The following MARCHF10 variants were observed in gnomAD, a reference collection of about 807,000 sequenced individuals.
MARCHF10 encodes membrane associated ring-CH-type finger 10, also known as probable E3 ubiquitin-protein ligase MARCHF10.
MARCHF10 carries 64 observed loss-of-function variants against 76.2 expected under a neutral mutation model. The observed-to-expected ratio is 0.84, with a 90% CI of 0.69 to 1.03. MARCHF10 has a LOEUF of 1.03. Among genes scored for constraint, MARCHF10 ranks in the 50% least tolerant of loss-of-function variants. MARCHF10 has a pLI of 0.00. For missense variants in MARCHF10, 875 were observed against 958.0 expected, an observed-to-expected ratio of 0.91 and a Z score of 1.14; for synonymous variants, 340 against 357.5, an observed-to-expected ratio of 0.95 and a Z score of 0.55.
chr17:62,777,999 G>C (rs929544864), intron 3 of MARCHF10, among the ~76,000 whole-genome samples: 4 of 152,184 alleles, frequency 2.6e-5, no homozygotes, highest in African/African-American at 9.7e-5. Flanking sequence ...AATATGCATG[G>C]AGCTCCTATT....
At chr17:62,739,479 T>C (rs2091422223) in intron 5 of MARCHF10, among the ~76,000 whole-genome samples, 1 of 151,178 alleles carries the variant, frequency 6.6e-6, no homozygotes, top group Non-Finnish European at 1.5e-5. Context: ...CCTCCTGGGT[T>C]CAAGCAATTC....
intron 3 of MARCHF10, among the ~76,000 whole-genome samples, chr17:62,778,490 G>T (rs113319008): frequency 0.011 from 1,667 of 152,138 alleles, 27 homozygotes; most frequent in African/African-American, 0.038. Context: ...AAGCACTTTG[G>T]GAGGCTGAGG....
In MARCHF10 at chr17:62,759,834, C is replaced by T. The variant is rs2092148199; in HGVS notation, c.382+1G>A. ...TGAATTTCAATAAGCCAGCCACTCA[C>T]CTGGAGAGGGTTCGCTGGGGTCCAC... On this transcript the variant is annotated splice_donor_variant, in intron 4 of 10. Transcript: ENST00000311269. LOFTEE classifies it high-confidence loss of function. 3 of 1,613,444 alleles carry T rather than the reference C, an allele frequency of 1.9e-6. No individual in the cohort carries two copies. The highest frequency in any genetic ancestry group is 1.3e-5 in the African/African-American group (1 of 74,898).
At position 62,808,271 on chromosome 17, in the gene MARCHF10, G is replaced by T. The variant is rs892048878; in HGVS notation, c.-212C>A. The T allele has an allele frequency of 2.0e-5, 3 of 152,530 alleles. No individual in the cohort carries two copies. The highest frequency in any genetic ancestry group is 4.4e-5 in the Non-Finnish European group (3 of 68,296). The allele number at this position is 152,530 out of a possible 1,614,324, so 9.4% of individuals were successfully genotyped here. A position where few individuals can be genotyped will look rare whatever the true frequency, so the allele number is the denominator to read the frequency against. On this transcript the variant is annotated 5_prime_UTR_variant, in exon 1 of 11. Coordinates refer to ENST00000311269, the MANE Select transcript of MARCHF10 (RefSeq NM_152598.4). Reference sequence around the variant, plus strand: ...CTCCTTCCCCGAGGCTGCTTTCCGCGGCGCCGGCCGGCCTTGCCTGGGGCG... The same window carrying T: ...CTCCTTCCCCGAGGCTGCTTTCCGCTGCGCCGGCCGGCCTTGCCTGGGGCG...
intron 3 of MARCHF10, 101 bp downstream of exon 3, chr17:62,788,376 TCTC>T: frequency 6.8e-7 from 1 of 1,464,272 alleles, no homozygotes; most frequent in Admixed American, 1.9e-5. Flanking sequence ...ATCTGCAACA[TCTC>T]CTTTTTGAGT....
At chr17:62,789,347 C>A (rs1037694591) in intron 2 of MARCHF10, among the ~76,000 whole-genome samples, 3 of 152,146 alleles carry the variant, frequency 2.0e-5, no homozygotes, top group African/African-American at 7.2e-5. Context: ...GTGTTTCCTG[C>A]ACTTGGAATC....
intron 3 of MARCHF10, among the ~76,000 whole-genome samples, chr17:62,773,738 C>A (rs1345906215): frequency 1.3e-5 from 2 of 151,902 alleles, no homozygotes; most frequent in Non-Finnish European, 2.9e-5. Flanking sequence ...GACACTATGG[C>A]GTGAGGTGGA....
intron 4 of MARCHF10, among the ~76,000 whole-genome samples, chr17:62,755,260 G>A (rs908928706): frequency 7.9e-5 from 12 of 152,214 alleles, no homozygotes; most frequent in Non-Finnish European, 1.8e-4. Flanking sequence ...CAAGCTCCAG[G>A]TGACAGCAGA....
chr17:62,758,577 G>C (rs2092111594), intron 4 of MARCHF10, among the ~76,000 whole-genome samples: 1 of 152,150 alleles, frequency 6.6e-6, no homozygotes, highest in Non-Finnish European at 1.5e-5. Context: ...ACTTTCCCCT[G>C]ATTAAATAAG....
chr17:62,766,687 T>C (rs956518333), intron 3 of MARCHF10, among the ~76,000 whole-genome samples: 2 of 152,136 alleles, frequency 1.3e-5, no homozygotes, highest in Middle Eastern at 3.2e-3. Context: ...ACCAGGGGGC[T>C]TGGCCATCAA....
chr17:62,793,189 ACCT>A (rs1423539126), intron 2 of MARCHF10, among the ~76,000 whole-genome samples: 6 of 119,852 alleles, frequency 5.0e-5, no homozygotes, highest in East Asian at 2.6e-4. Flanking sequence ...TACCACCACC[ACCT>A]CCATCACCAC....
chr17:62,750,696 G>A (rs951160996), intron 4 of MARCHF10, among the ~76,000 whole-genome samples: 10 of 152,188 alleles, frequency 6.6e-5, no homozygotes, highest in Non-Finnish European at 1.0e-4. Flanking sequence ...AGATCTCAGC[G>A]TCACTGCGGA....
At chr17:62,751,414 C>A (rs537906483) in intron 4 of MARCHF10, among the ~76,000 whole-genome samples, 1 of 152,294 alleles carries the variant, frequency 6.6e-6, no homozygotes, top group South Asian at 2.1e-4. Context: ...CCACCCAGAC[C>A]TTCTGAATCA....
chr17:62,779,839 G>A (rs975611593), intron 3 of MARCHF10, among the ~76,000 whole-genome samples: 3 of 152,310 alleles, frequency 2.0e-5, no homozygotes, highest in East Asian at 1.9e-4. Flanking sequence ...GCTCACACCC[G>A]TAATCCCAGC....
In MARCHF10 at chr17:62,713,959, C is replaced by T. The variant is rs16946338; in HGVS notation, c.2215-2615G>A. 7.4e-3 allele frequency among the ~76,000 whole-genome samples: 1,132 copies of T among 152,382 alleles called. 11 individuals are homozygous for T. The highest frequency in any genetic ancestry group is 0.026 in the African/African-American group (1,081 of 41,582). ...TTCATTTAGGCCAAGAGACTTGCTACTGACGGAAATTCTCAATATATTCCA... is the reference window on the plus strand; with the variant it reads ...TTCATTTAGGCCAAGAGACTTGCTATTGACGGAAATTCTCAATATATTCCA... On this transcript the variant is annotated intron_variant, in intron 8 of 10. Transcript: ENST00000311269.
intron 2 of MARCHF10, among the ~76,000 whole-genome samples, chr17:62,793,030 C>A (rs111210737): frequency 0.019 from 2,790 of 147,770 alleles, 86 homozygotes; most frequent in African/African-American, 0.066. Context: ...ATCACCACCA[C>A]CTCCATCAAC....
intron 2 of MARCHF10, among the ~76,000 whole-genome samples, chr17:62,792,330 G>A (rs890438714): frequency 1.7e-4 from 26 of 152,002 alleles, no homozygotes; most frequent in African/African-American, 5.3e-4. Context: ...GACCTTGGGC[G>A]AGCTGACTAA....
intron 10 of MARCHF10, chr17:62,705,321 A>G: frequency 1.4e-6 from 2 of 1,475,550 alleles, no homozygotes; most frequent in Non-Finnish European, 8.9e-7. Flanking sequence ...CCTTGCGTTC[A>G]GGATGAATTA....
chr17:62,743,219 G>A (rs1189195842), intron 5 of MARCHF10, among the ~76,000 whole-genome samples: 4 of 152,174 alleles, frequency 2.6e-5, no homozygotes, highest in South Asian at 2.1e-4. Flanking sequence ...TGCCCTTCCC[G>A]GCAGAAGGCA....
Sources: gnomAD v4.1 joint callset for allele counts (sites outside exome capture counted in the v4.1 genomes callset) on GRCh38, gnomAD v4.1.1 for gene constraint, MANE v1.5 for transcripts, NCBI Gene and HGNC (gene_info 2026-07-23, HGNC 2026-07-21) for gene names.